Variants in FAAH2 observed in about 807,000 individuals in gnomAD.
FAAH2 encodes fatty acid amide hydrolase 2, also known as fatty-acid amide hydrolase 2.
In FAAH2, 60 loss-of-function variants were observed where a neutral mutation model predicts 36.9. The observed-to-expected ratio is 1.63, with a 90% confidence interval of 1.32 to 2.02. The LOEUF (loss-of-function observed/expected upper bound fraction) is 2.02. FAAH2 is among the 30% of genes most tolerant of loss of function. The probability of loss-of-function intolerance (pLI) is 0.00; values close to 1 mark genes in which losing one functional copy is unlikely to be tolerated. For missense variants in FAAH2, 689 were observed against 397.5 expected (o/e 1.73, Z -6.23); for synonymous variants, 214 against 143.8 (o/e 1.49, Z -3.49).
intron 7 of FAAH2, among the ~76,000 whole-genome samples, chrX:57,396,375 G>A (rs1233279538): frequency 3.6e-5 from 3 of 84,197 alleles, no homozygotes; most frequent in Non-Finnish European, 7.2e-5. Flanking sequence ...TAGGTTTAGT[G>A]TTTTTTTTTT....
chrX:57,302,061 A>C (rs2052387900), intron 2 of FAAH2, among the ~76,000 whole-genome samples: 1 of 111,873 alleles, frequency 8.9e-6, no homozygotes, highest in African/African-American at 3.3e-5. Flanking sequence ...TCCCTGAAGC[A>C]TCTATTGTCA....
At chrX:57,166,902 A>G in the FAAH2 span, among the ~76,000 whole-genome samples, 3 of 112,199 alleles carry the variant, frequency 2.7e-5, no homozygotes, top group East Asian at 5.6e-4. Flanking sequence ...TTTGCAGCCA[A>G]TTCAGAAGCC....
At chrX:57,462,895 T>C (rs1431776838) in intron 10 of FAAH2, among the ~76,000 whole-genome samples, 1 of 111,914 alleles carries the variant, frequency 8.9e-6, no homozygotes. Context: ...GACATGATTG[T>C]ATATTTAGAA....
At chrX:57,477,195 T>C (rs1032205363) in intron 10 of FAAH2, among the ~76,000 whole-genome samples, 4 of 111,101 alleles carry the variant, frequency 3.6e-5, no homozygotes, top group African/African-American at 1.3e-4. Flanking sequence ...CATGTCTCAA[T>C]CTCTTTCAGT....
chrX:57,314,352 A>T (rs1315965264), intron 3 of FAAH2, among the ~76,000 whole-genome samples: 1 of 111,096 alleles, frequency 9.0e-6, no homozygotes, highest in Non-Finnish European at 1.9e-5. Context: ...CTAACAAAAG[A>T]AACTCAGGGC....
the FAAH2 span, among the ~76,000 whole-genome samples, chrX:57,224,075 C>T: frequency 5.4e-5 from 6 of 111,726 alleles, no homozygotes; most frequent in Non-Finnish European, 7.5e-5. Flanking sequence ...CCTTTGAAAT[C>T]ATATATGGCC....
the FAAH2 span, among the ~76,000 whole-genome samples, chrX:57,274,300 A>C: frequency 8.9e-6 from 1 of 112,078 alleles, no homozygotes; most frequent in African/African-American, 3.2e-5. Flanking sequence ...CCAGGACCAG[A>C]CAGATTCACA....
At chrX:57,390,231 T>C (rs2055132146) in intron 7 of FAAH2, among the ~76,000 whole-genome samples, 1 of 112,068 alleles carries the variant, frequency 8.9e-6, no homozygotes, top group African/African-American at 3.2e-5. Flanking sequence ...AGCCTGTGCT[T>C]TCGGAGATAC....
chrX:57,162,481 A>G, the FAAH2 span, among the ~76,000 whole-genome samples: 92 of 111,945 alleles, frequency 8.2e-4, no homozygotes, highest in African/African-American at 2.8e-3. Flanking sequence ...CATTCTCCCC[A>G]TCACTTTCAG....
chrX:57,189,930 G>A, the FAAH2 span, among the ~76,000 whole-genome samples: 54 of 112,314 alleles, frequency 4.8e-4, no homozygotes, highest in African/African-American at 1.7e-3. Flanking sequence ...TAGGAGAACC[G>A]TATTTGTCAA....
At chrX:57,252,305 G>A in the FAAH2 span, among the ~76,000 whole-genome samples, 1 of 112,765 alleles carries the variant, frequency 8.9e-6, no homozygotes, top group African/African-American at 3.2e-5. Flanking sequence ...CACCTCTGGG[G>A]AGAGGGCATA....
chrX:57,393,181 G>T (rs777198267), intron 7 of FAAH2: 19 of 1,184,188 alleles, frequency 1.6e-5, no homozygotes, highest in Non-Finnish European at 1.9e-5. Context: ...ATGCATTCAC[G>T]GCCACTACTA....
chrX:57,260,533 T>C, the FAAH2 span, among the ~76,000 whole-genome samples: 9 of 111,747 alleles, frequency 8.1e-5, no homozygotes, highest in South Asian at 3.0e-3. Context: ...TAAGCACAAA[T>C]TATAAAACAA....
chrX:57,155,655 G>A, the FAAH2 span, among the ~76,000 whole-genome samples: 8 of 112,351 alleles, frequency 7.1e-5, no homozygotes, highest in Admixed American at 5.6e-4. Context: ...CATCCCCCAA[G>A]TTCTGGCCAG....
rs1475622862 is a variant in FAAH2, at chrX:57,287,036, A to T, written c.192+19A>T. ...GAGAAAGGTGAGAATGCAATTCAGA[A>T]GAGGCTGGAGGGACAGGTCTTTTAG... On this transcript the variant is annotated intron_variant, in intron 1 of 10. Transcript: ENST00000374900. 4.4e-6 allele frequency: 5 copies of T among 1,148,253 alleles called. No homozygotes were observed. The highest frequency in any genetic ancestry group is 5.8e-6 in the Non-Finnish European group (5 of 861,119). 94.6% of individuals were successfully genotyped at this position (1,148,253 alleles called of 1,213,427 possible).
the FAAH2 span, among the ~76,000 whole-genome samples, chrX:57,134,196 C>T: frequency 9.0e-6 from 1 of 111,677 alleles, no homozygotes; most frequent in Non-Finnish European, 1.9e-5. Context: ...CTCCCTCTCC[C>T]CACCAGCCTT....
the FAAH2 span, among the ~76,000 whole-genome samples, chrX:57,158,862 G>T: frequency 2.8e-4 from 31 of 111,954 alleles, no homozygotes; most frequent in East Asian, 8.4e-4. Flanking sequence ...GATCCCATTT[G>T]TCAATTTTGG....
chrX:57,463,189 C>T (rs1469283651), intron 10 of FAAH2, among the ~76,000 whole-genome samples: 3 of 111,737 alleles, frequency 2.7e-5, no homozygotes, highest in African/African-American at 9.7e-5. Context: ...ACATTCCATA[C>T]TGATGGATAG....
intron 10 of FAAH2, among the ~76,000 whole-genome samples, chrX:57,467,216 C>A (rs1198714288): frequency 1.8e-5 from 2 of 111,339 alleles, no homozygotes; most frequent in African/African-American, 6.5e-5. Context: ...AACTGAGGTA[C>A]CAGATGCATC....
Sources: gnomAD v4.1 joint callset for allele counts (sites outside exome capture counted in the v4.1 genomes callset) on GRCh38, gnomAD v4.1.1 for gene constraint, MANE v1.5 for transcripts, NCBI Gene and HGNC (gene_info 2026-07-23, HGNC 2026-07-21) for gene names.